CCDC73: variants seen among roughly 807,000 people sequenced by gnomAD.
CCDC73 encodes coiled-coil domain containing 73.
In CCDC73, 95 loss-of-function variants were observed where a neutral mutation model predicts 116.5. The observed-to-expected ratio is 0.82, with a 90% CI of 0.69 to 0.97. The LOEUF is 0.97. CCDC73 is among the 50% of genes least tolerant of loss of function. The pLI, the probability that CCDC73 is intolerant of heterozygous loss-of-function variation, is 0.00. For missense variants in CCDC73, 1,066 were observed against 1,206.8 expected (o/e 0.88, Z 1.73); for synonymous variants, 398 against 401.3 (o/e 0.99, Z 0.10).
At chr11:32,783,889 C>T (rs1169081452) in intron 1 of CCDC73, among the ~76,000 whole-genome samples, 1 of 152,166 alleles carries the variant, frequency 6.6e-6, no homozygotes, top group East Asian at 1.9e-4. Flanking sequence ...CAGAGAGCAA[C>T]CAGTCCAGAT....
intron 2 of CCDC73, among the ~76,000 whole-genome samples, chr11:32,725,752 G>T (rs913062981): frequency 1.3e-5 from 2 of 152,126 alleles, no homozygotes; most frequent in African/African-American, 4.8e-5. Context: ...CCTGCAAAAA[G>T]ACTGATGATG....
chr11:32,622,442 A>G (rs1855530213), intron 14 of CCDC73, among the ~76,000 whole-genome samples: 1 of 152,108 alleles, frequency 6.6e-6, no homozygotes, highest in African/African-American at 2.4e-5. Flanking sequence ...TCTTATTCAT[A>G]AGTGCGAGTT....
intron 14 of CCDC73, among the ~76,000 whole-genome samples, chr11:32,627,138 C>A (rs967689348): frequency 6.6e-6 from 1 of 152,158 alleles, no homozygotes; most frequent in Admixed American, 6.5e-5. Context: ...AAACAAACAA[C>A]CCCATCAACA....
chr11:32,656,322 G>T (rs556723703), intron 9 of CCDC73, among the ~76,000 whole-genome samples: 3 of 151,732 alleles, frequency 2.0e-5, no homozygotes, highest in East Asian at 1.9e-4. Context: ...CTTCTGATCC[G>T]CCCGCCTCGG....
chr11:32,609,921 A>T (rs1855398015), intron 17 of CCDC73, among the ~76,000 whole-genome samples: 4 of 150,128 alleles, frequency 2.7e-5, no homozygotes, highest in Admixed American at 2.7e-4. Context: ...GTGGGACTAC[A>T]GGTGCCTGTC....
the CCDC73 span, chr11:32,829,720 G>A: frequency 1.1e-5 from 11 of 966,136 alleles, no homozygotes; most frequent in Non-Finnish European, 9.8e-6. Context: ...AAATCGAAAA[G>A]CAGCCACCCG....
upstream of CCDC73, among the ~76,000 whole-genome samples, chr11:32,797,243 T>C (rs1419654607): frequency 3.3e-5 from 5 of 151,540 alleles, no homozygotes; most frequent in Admixed American, 3.3e-4. Flanking sequence ...GCCCAGGAGT[T>C]TGAGACTGCA....
intron 7 of CCDC73, among the ~76,000 whole-genome samples, chr11:32,676,653 C>T (rs933681305): frequency 6.6e-6 from 1 of 152,158 alleles, no homozygotes; most frequent in Non-Finnish European, 1.5e-5. Context: ...GGCATGGTGG[C>T]ACATGCCTGT....
intron 16 of CCDC73, among the ~76,000 whole-genome samples, chr11:32,611,732 G>C (rs1196745633): frequency 6.6e-6 from 1 of 152,032 alleles, no homozygotes; most frequent in East Asian, 1.9e-4. Context: ...GTTTAGAAGG[G>C]GTCACATTGG....
chr11:32,791,919 C>T (rs1399089105), intron 1 of CCDC73, among the ~76,000 whole-genome samples: 2 of 151,840 alleles, frequency 1.3e-5, no homozygotes, highest in East Asian at 1.9e-4. Flanking sequence ...GAGCCAAGAT[C>T]ACGCCACTGT....
chr11:32,703,239 C>T (rs534303472), intron 3 of CCDC73, among the ~76,000 whole-genome samples: 1 of 152,134 alleles, frequency 6.6e-6, no homozygotes, highest in South Asian at 2.1e-4. Flanking sequence ...AGATGTCTGC[C>T]ACCATGCCCA....
chr11:32,660,832 A>G (rs1044817284), intron 9 of CCDC73, among the ~76,000 whole-genome samples: 2 of 152,112 alleles, frequency 1.3e-5, no homozygotes, highest in Admixed American at 6.6e-5. Context: ...GACTCAAAAA[A>G]AGAGAGAGAG....
chr11:32,620,560 A>G (rs551674169), intron 14 of CCDC73, among the ~76,000 whole-genome samples: 838 of 148,710 alleles, frequency 5.6e-3, no homozygotes, highest in Non-Finnish European at 9.2e-3. Flanking sequence ...GCAGTGAGCC[A>G]AGATCACGCC....
intron 1 of CCDC73, among the ~76,000 whole-genome samples, chr11:32,761,764 T>C (rs189042721): frequency 1.3e-5 from 2 of 151,996 alleles, no homozygotes; most frequent in East Asian, 3.9e-4. Context: ...GACACAGACC[T>C]ACACACACAC....
chr11:32,798,457 G>A (rs927171697), upstream of CCDC73, among the ~76,000 whole-genome samples: 11 of 152,130 alleles, frequency 7.2e-5, no homozygotes, highest in African/African-American at 2.4e-4. Context: ...ACAGGCGCAC[G>A]CCACCATGCC....
At chr11:32,711,240 T>TA (rs376374238) in intron 3 of CCDC73, among the ~76,000 whole-genome samples, 2,075 of 152,150 alleles carry the variant, frequency 0.014, 56 homozygotes, top group African/African-American at 0.047. Flanking sequence ...GGAGATTCCT[T>TA]AAAAAACTAA....
rs1241412969 is a variant in CCDC73 at position 32,755,775 on chromosome 11, GTA to G, written c.135+4332_135+4333del. Among the ~76,000 whole-genome samples the G allele has an allele frequency of 3.5e-4, 37 of 105,026 alleles. 4 individuals carry two copies. The highest frequency in any genetic ancestry group is 4.7e-4 in the African/African-American group (11 of 23,200). 68.9% of individuals were successfully genotyped at this position (105,026 alleles called of 152,430 possible). On this transcript the variant is annotated intron_variant, in intron 2 of 17. Coordinates refer to ENST00000335185, the MANE Select transcript of CCDC73 (RefSeq NM_001008391.4). The stretch of plus-strand genomic sequence containing the variant: ...TATATATATATCTCCATATATATGT[GTA>G]TATATATATATCTCCATATATGTGT...
At chr11:32,708,869 T>G (rs1412936134) in intron 3 of CCDC73, among the ~76,000 whole-genome samples, 8 of 152,134 alleles carry the variant, frequency 5.3e-5, no homozygotes, top group Non-Finnish European at 1.2e-4. Context: ...AGCGACAGTT[T>G]GACTTTCTCT....
chr11:32,781,172 T>A (rs1457630841), intron 1 of CCDC73, among the ~76,000 whole-genome samples: 1 of 152,184 alleles, frequency 6.6e-6, no homozygotes, highest in Non-Finnish European at 1.5e-5. Context: ...AACAAAAATA[T>A]TTATGTTAAC....
Sources: allele counts gnomAD v4.1 joint callset (sites outside exome capture counted in the v4.1 genomes callset), GRCh38; gene constraint gnomAD v4.1.1; transcripts MANE v1.5; gene names NCBI Gene and HGNC (gene_info 2026-07-23, HGNC 2026-07-21).